STK35: variants seen among roughly 807,000 people sequenced by gnomAD.
The protein encoded by STK35 is serine/threonine-protein kinase 35.
STK35 carries 17 observed loss-of-function variants against 37.3 expected under a neutral mutation model. The ratio of observed to expected loss-of-function variants is 0.46; its 90% CI spans 0.31 to 0.68. STK35 has a LOEUF of 0.68. STK35 is among the 30% of genes least tolerant of loss of function. The probability of loss-of-function intolerance (pLI) is 0.05; values close to 1 mark genes in which losing one functional copy is unlikely to be tolerated. For synonymous variants in STK35, 385 were observed against 319.1 expected (o/e 1.21, Z -2.20); for missense variants, 595 against 746.7 (o/e 0.80, Z 2.37).
chr20:2,110,672 T>C (rs1985599744), intron 2 of STK35, among the ~76,000 whole-genome samples: 1 of 152,222 alleles, frequency 6.6e-6, no homozygotes, highest in Non-Finnish European at 1.5e-5. Context: ...TAAGACTTCC[T>C]ATATGTATTG....
At chr20:2,121,997 G>A (rs566124688) in intron 3 of STK35, among the ~76,000 whole-genome samples, 9 of 152,252 alleles carry the variant, frequency 5.9e-5, no homozygotes, top group Admixed American at 5.9e-4. Flanking sequence ...ACTCCAAAGA[G>A]CTTTTGTTTT....
intron 3 of STK35, among the ~76,000 whole-genome samples, chr20:2,133,751 G>A (rs1336089451): frequency 6.6e-6 from 1 of 152,012 alleles, no homozygotes; most frequent in East Asian, 1.9e-4. Context: ...TTTAATACTA[G>A]CACTTTTGGC....
intron 3 of STK35, among the ~76,000 whole-genome samples, chr20:2,126,324 A>G (rs1015240301): frequency 3.9e-5 from 6 of 152,186 alleles, no homozygotes; most frequent in Non-Finnish European, 8.8e-5. Flanking sequence ...CTTGGTGGTA[A>G]TGGGTTATAG....
At chr20:2,139,208 T>A (rs1986134270) in intron 3 of STK35, among the ~76,000 whole-genome samples, 1 of 152,058 alleles carries the variant, frequency 6.6e-6, no homozygotes, top group Admixed American at 6.6e-5. Flanking sequence ...TCCCCTCATA[T>A]CTCCCAGGCT....
chr20:2,124,483 G>A (rs1312357230), intron 3 of STK35, among the ~76,000 whole-genome samples: 3 of 152,168 alleles, frequency 2.0e-5, no homozygotes, highest in Non-Finnish European at 2.9e-5. Flanking sequence ...CCCGAAGTGG[G>A]TAAGAATGGA....
At chr20:2,134,474 A>G (rs933101099) in intron 3 of STK35, among the ~76,000 whole-genome samples, 19 of 152,170 alleles carry the variant, frequency 1.2e-4, no homozygotes, top group Admixed American at 1.0e-3. Context: ...TAGAGCACTC[A>G]TGTGCCACTG....
Position 2,143,957 on chromosome 20 carries a change from TC to T in STK35, c.*212del, listed in dbSNP as rs61067536. 0.3 allele frequency: 121,973 copies of T among 401,138 alleles called. 21,761 individuals are homozygous for T. The highest frequency in any genetic ancestry group is 0.86 in the East Asian group (10,431 of 12,154). 24.8% of individuals were successfully genotyped at this position (401,138 alleles called of 1,614,324 possible). A position where few individuals can be genotyped will look rare whatever the true frequency, so the allele number is the denominator to read the frequency against. ...TTGCTTTATTTTTTTCCTTTTCTTT[TC>T]TTTTTTTTTTTTCCTCTTTCCTTTT... is the stretch of plus-strand genomic sequence containing the variant. On this transcript the variant is annotated 3_prime_UTR_variant, in exon 4 of 4. Transcript: ENST00000381482.
chr20:2,132,189 G>A (rs1234442259), intron 3 of STK35, among the ~76,000 whole-genome samples: 1 of 152,210 alleles, frequency 6.6e-6, no homozygotes, highest in Non-Finnish European at 1.5e-5. Context: ...AGCTACCAAA[G>A]AGAGTTCATC....
chr20:2,112,597 TG>T (rs1287151939), intron 2 of STK35, among the ~76,000 whole-genome samples: 1 of 152,126 alleles, frequency 6.6e-6, no homozygotes, highest in Non-Finnish European at 1.5e-5. Flanking sequence ...CAGTTACTCA[TG>T]GTAAGGGCCC....
At chr20:2,122,328 T>C (rs1985833367) in intron 3 of STK35, among the ~76,000 whole-genome samples, 2 of 152,078 alleles carry the variant, frequency 1.3e-5, no homozygotes, top group South Asian at 4.1e-4. Context: ...AGGGACTCTG[T>C]CTCAAAAAAA....
intron 3 of STK35, among the ~76,000 whole-genome samples, chr20:2,137,598 G>GT (rs1986107748): frequency 6.6e-6 from 1 of 152,166 alleles, no homozygotes; most frequent in South Asian, 2.1e-4. Context: ...ACTGAAAACA[G>GT]TGTTATCCCA....
chr20:2,111,126 ACCT>A (rs1368139548), intron 2 of STK35, among the ~76,000 whole-genome samples: 4 of 151,696 alleles, frequency 2.6e-5, no homozygotes, highest in Non-Finnish European at 5.9e-5. Context: ...TCCTCTTCTC[ACCT>A]CCTCCCTTGC....
Position 2,146,581 on chromosome 20 carries a change from T to C in STK35, c.*2835T>C. ...GACAGATCGTAGTGCCTTATTCCATTGTCCTCCCCTGGCCAGGCCTCCTGG... is the reference window on the plus strand; with the variant it reads ...GACAGATCGTAGTGCCTTATTCCATCGTCCTCCCCTGGCCAGGCCTCCTGG... On this transcript the variant is annotated 3_prime_UTR_variant, in exon 4 of 4. Coordinates refer to ENST00000381482, the MANE Select transcript of STK35 (RefSeq NM_080836.4). 6.5e-6 allele frequency: 1 copy of C among 152,738 alleles called. No homozygotes were observed. The highest frequency in any genetic ancestry group is 1.9e-4 in the East Asian group (1 of 5,190). The allele number at this position is 152,738 out of a possible 1,614,324, so 9.5% of individuals were successfully genotyped here. A position where few individuals can be genotyped will look rare whatever the true frequency, so the allele number is the denominator to read the frequency against.
At chr20:2,109,075 C>T (rs924567085) in intron 2 of STK35, among the ~76,000 whole-genome samples, 1 of 152,184 alleles carries the variant, frequency 6.6e-6, no homozygotes, top group African/African-American at 2.4e-5. Flanking sequence ...ATGTGGTATA[C>T]TGTGGGGAAC....
chr20:2,140,088 G>T (rs1986149210), intron 3 of STK35, among the ~76,000 whole-genome samples: 2 of 152,138 alleles, frequency 1.3e-5, no homozygotes, highest in South Asian at 4.1e-4. Context: ...CCATTTCTCT[G>T]GGCCTGTTTT....
intron 3 of STK35, among the ~76,000 whole-genome samples, chr20:2,126,874 A>G (rs908029562): frequency 6.6e-6 from 1 of 152,142 alleles, no homozygotes; most frequent in African/African-American, 2.4e-5. Flanking sequence ...TCAGAACTCT[A>G]TATTTTGTTT....
intron 3 of STK35, among the ~76,000 whole-genome samples, chr20:2,141,407 A>AGGGTCTACT (rs1986170214): frequency 6.6e-6 from 1 of 151,960 alleles, no homozygotes; most frequent in Middle Eastern, 3.2e-3. Context: ...TTTCTTGGTC[A>AGGGTCTACT]CCCGCTCCCT....
At position 2,102,884 on chromosome 20, in the gene STK35, G is replaced by A; in HGVS notation, c.411G>A (p.Gly137=). 6.4e-7 allele frequency: 1 copy of A among 1,567,100 alleles called. No homozygotes were observed. The highest frequency in any genetic ancestry group is 8.6e-7 in the Non-Finnish European group (1 of 1,164,760). ...LPPPPAAMET[G]KDGARRGTQS... is the part of the protein sequence containing the mutation. ...CGCCGCCCGCAGCCATGGAAACGGGGAAGGACGGCGCCCGCAGAGGTACAC... is the reference window on the plus strand; with the variant it reads ...CGCCGCCCGCAGCCATGGAAACGGGAAAGGACGGCGCCCGCAGAGGTACAC... Residue 137 remains glycine (G), a synonymous_variant, in exon 2 of 4, where the codon GGG becomes GGA. Coordinates refer to ENST00000381482, the MANE Select transcript of STK35 (RefSeq NM_080836.4).
intron 3 of STK35, among the ~76,000 whole-genome samples, chr20:2,140,404 C>T (rs1376584628): frequency 6.6e-6 from 1 of 152,198 alleles, no homozygotes; most frequent in African/African-American, 2.4e-5. Flanking sequence ...GAGACCTACA[C>T]CCTTTATTGT....
Sources: gnomAD v4.1 joint callset for allele counts (sites outside exome capture counted in the v4.1 genomes callset) on GRCh38, gnomAD v4.1.1 for gene constraint, MANE v1.5 for transcripts, NCBI Gene and HGNC (gene_info 2026-07-23, HGNC 2026-07-21) for gene names.